ABCD3: variants seen among roughly 807,000 people sequenced by gnomAD.
ABCD3 encodes the protein ATP binding cassette subfamily D member 3.
A neutral mutation model predicts 105.5 loss-of-function variants in ABCD3; 41 were observed. That is an observed-to-expected ratio of 0.39 (90% confidence interval 0.30 to 0.50). The LOEUF is 0.50. ABCD3 is among the 20% of genes least tolerant of loss of function. The pLI, the probability that ABCD3 is intolerant of heterozygous loss-of-function variation, is 0.84. For synonymous variants in ABCD3, 258 were observed against 269.0 expected (o/e 0.96, Z 0.40); for missense variants, 622 against 806.3 (o/e 0.77, Z 2.77).
At chr1:94,506,506 G>A in intron 20 of ABCD3, 32 bp from the exon 21 acceptor site, 2 of 1,432,784 alleles carry the variant, frequency 1.4e-6, no homozygotes, top group Middle Eastern at 1.8e-4. Flanking sequence ...GTCTGCCTGT[G>A]TTTTACACAA....
chr1:94,506,663 T>C, intron 21 of ABCD3, 21 bp downstream of exon 21: 14 of 1,566,246 alleles, frequency 8.9e-6, no homozygotes, highest in Non-Finnish European at 1.1e-5. Context: ...AGGTGCTCAG[T>C]TTGAGGAGCC....
intron 4 of ABCD3, 122 bp from the exon 5 acceptor site, chr1:94,473,644 T>C: frequency 1.2e-6 from 1 of 824,594 alleles, no homozygotes; most frequent in Non-Finnish European, 2.0e-6. Flanking sequence ...TTAGCATCTT[T>C]TTTATTGATT....
chr1:94,423,513 A>G (rs958085046), intron 1 of ABCD3, among the ~76,000 whole-genome samples: 2 of 152,182 alleles, frequency 1.3e-5, no homozygotes, highest in African/African-American at 4.8e-5. Context: ...CTATTTTAGA[A>G]GGTACTTACA....
chr1:94,419,580 T>C (rs1311021743), intron 1 of ABCD3, among the ~76,000 whole-genome samples: 1 of 152,256 alleles, frequency 6.6e-6, no homozygotes, highest in Non-Finnish European at 1.5e-5. Context: ...CATACTACTT[T>C]CATGAATTTT....
rs188880005 is a variant in ABCD3, at chr1:94,447,592, T to G, written c.111-11015T>G. Among the ~76,000 whole-genome samples the G allele has an allele frequency of 5.9e-3, 903 of 152,338 alleles. 4 individuals carry two copies. The highest frequency in any genetic ancestry group is 0.01 in the Non-Finnish European group (711 of 68,036). ...TGCCAGACTTATGTAGAGCAAGCAA[T>G]TAAACCTATTGATAAAAAATTTTCA... On this transcript the variant is annotated intron_variant, in intron 1 of 22. Transcript: ENST00000370214.
rs945116946 is a variant in ABCD3, at chr1:94,418,447, C to T, written c.-32C>T. On this transcript the variant is annotated 5_prime_UTR_variant, in exon 1 of 23. Coordinates refer to ENST00000370214, the MANE Select transcript of ABCD3 (RefSeq NM_002858.4). ...GCCGCCGCCGCCGCCGCCGCCGCGT[C>T]CCCTCGCCGGCTCGCTGGTACCGGC... is the stretch of plus-strand genomic sequence containing the variant. The T allele has an allele frequency of 1.3e-6, 2 of 1,562,822 alleles. No individual in the cohort carries two copies. Among genetic ancestry groups the T allele is most frequent in the Non-Finnish European group, 1.7e-6 (2 of 1,155,878 alleles).
chr1:94,478,383 G>T, intron 8 of ABCD3, 68 bp downstream of exon 8: 1 of 1,292,006 alleles, frequency 7.7e-7, no homozygotes, highest in Non-Finnish European at 1.1e-6. Flanking sequence ...ATTGTGAATA[G>T]CTTGATGGCC....
intron 1 of ABCD3, 75 bp from the exon 2 acceptor site, chr1:94,458,532 G>A: frequency 7.7e-7 from 1 of 1,306,204 alleles, no homozygotes; most frequent in African/African-American, 1.5e-5. Context: ...TGGTATATTT[G>A]ACATCTTAAA....
chr1:94,417,835 AC>A (rs369600634), upstream of ABCD3, among the ~76,000 whole-genome samples: 425 of 152,318 alleles, frequency 2.8e-3, no homozygotes, highest in African/African-American at 9.8e-3. Context: ...AGAGATTATA[AC>A]CCGCGGTTTG....
In ABCD3 at chr1:94,438,879, A is replaced by T. The variant is rs1003277429; in HGVS notation, c.111-19728A>T. On this transcript the variant is annotated intron_variant, in intron 1 of 22. Transcript: ENST00000370214. ...ACTGGGAAACCAAAATGTTCACGTG[A>T]CCCACTTTATTGCCTGTTAGCTTTA... 5.3e-5 allele frequency among the ~76,000 whole-genome samples: 8 copies of T among 152,230 alleles called. No individual in the cohort carries two copies. The South Asian group carries it at 1.7e-3, about 31-fold the overall frequency.
chr1:94,469,153 A>G (rs925660980), intron 4 of ABCD3, among the ~76,000 whole-genome samples: 9 of 152,040 alleles, frequency 5.9e-5, no homozygotes, highest in South Asian at 2.1e-4. Flanking sequence ...CTTTTTTCCT[A>G]TTCTTTTTAC....
intron 16 of ABCD3, among the ~76,000 whole-genome samples, chr1:94,494,172 T>A (rs2101032171): frequency 6.6e-6 from 1 of 152,342 alleles, no homozygotes. Flanking sequence ...GAGTTTATTA[T>A]GATACTCATT....
intron 1 of ABCD3, among the ~76,000 whole-genome samples, chr1:94,435,648 T>G (rs376865372): frequency 1.6e-4 from 25 of 152,238 alleles, no homozygotes; most frequent in African/African-American, 5.5e-4. Context: ...ATATTTGAAT[T>G]CTGTTATTTC....
chr1:94,385,993 T>A, the ABCD3 span, among the ~76,000 whole-genome samples: 1 of 148,846 alleles, frequency 6.7e-6, no homozygotes, highest in Non-Finnish European at 1.5e-5. Flanking sequence ...TTCCAAATTT[T>A]TAGAAGTGAA....
At chr1:94,516,892 A>T (rs1264834687) in intron 22 of ABCD3, among the ~76,000 whole-genome samples, 160 bp from the exon 23 acceptor site, 1 of 151,918 alleles carries the variant, frequency 6.6e-6, no homozygotes, top group Non-Finnish European at 1.5e-5. Context: ...CTGGTAGCTG[A>T]GATCCTTGGT....
intron 20 of ABCD3, among the ~76,000 whole-genome samples, chr1:94,503,990 A>G: frequency 7.1e-6 from 1 of 140,690 alleles, no homozygotes; most frequent in East Asian, 2.1e-4. Flanking sequence ...TCAGCTTACT[A>G]TAACCTCCAC....
At chr1:94,483,693 G>C (rs932045806) in intron 10 of ABCD3, among the ~76,000 whole-genome samples, 2 of 152,006 alleles carry the variant, frequency 1.3e-5, no homozygotes, top group Non-Finnish European at 2.9e-5. Flanking sequence ...AAAAACCCTA[G>C]AAGAAAACCT....
chr1:94,418,512 A>G lies in ABCD3; in HGVS notation c.34A>G (p.Asn12Asp). Residue 12 changes from asparagine (N) to aspartate (D), a missense_variant, in exon 1 of 23, where the codon AAC becomes GAC. By Grantham distance (23) the Asn-to-Asp change is conservative. Transcript: ENST00000370214. ...CTTCAGCAAGTACTTGACGGCGCGA[A>G]ACTCCTCGCTGGCTGGTGCCGCGTT... is the stretch of plus-strand genomic sequence containing the variant. Reference protein sequence around the residue: ...AAFSKYLTARNSSLAGAAFLL... With the variant: ...AAFSKYLTARDSSLAGAAFLL... The G allele has an allele frequency of 1.2e-6, 2 of 1,605,678 alleles. No homozygotes were observed. The highest frequency in any genetic ancestry group is 8.5e-7 in the Non-Finnish European group (1 of 1,179,146).
At chr1:94,398,940 A>C in the ABCD3 span, among the ~76,000 whole-genome samples, 52 of 152,270 alleles carry the variant, frequency 3.4e-4, no homozygotes, top group African/African-American at 1.9e-4. Flanking sequence ...AACAAACAAA[A>C]AAAACCTGGA....
Sources: allele counts gnomAD v4.1 joint callset (sites outside exome capture counted in the v4.1 genomes callset), GRCh38; gene constraint gnomAD v4.1.1; transcripts MANE v1.5; gene names NCBI Gene and HGNC (gene_info 2026-07-23, HGNC 2026-07-21).